The following METTL8 variants were observed in gnomAD, a reference collection of about 807,000 sequenced individuals.
METTL8 encodes the protein methyltransferase 8, tRNA N3-cytidine.
A neutral mutation model predicts 48.7 loss-of-function variants in METTL8; 32 were observed. The observed-to-expected ratio is 0.66, with a 90% confidence interval of 0.50 to 0.88. METTL8 has a LOEUF of 0.88. Ranked by LOEUF, METTL8 falls within the 40% of genes least tolerant of loss-of-function variation. The pLI is 0.00. For synonymous variants in METTL8, 136 were observed against 157.1 expected (o/e 0.87, Z 1.01); for missense variants, 464 against 474.4 (o/e 0.98, Z 0.20).
intron 1 of METTL8, among the ~76,000 whole-genome samples, chr2:171,393,108 C>CAAACA (rs962856627): frequency 1.3e-5 from 2 of 151,172 alleles, no homozygotes; most frequent in Non-Finnish European, 3.0e-5. Flanking sequence ...TGTCTCAAAA[C>CAAACA]AAACAAAACA....
At chr2:171,353,602 T>A (rs544525486) in intron 3 of METTL8, among the ~76,000 whole-genome samples, 3 of 152,240 alleles carry the variant, frequency 2.0e-5, no homozygotes, top group African/African-American at 7.2e-5. Context: ...TGTGGGAGTC[T>A]CTTTGTAGGT....
chr2:171,324,980 C>T (rs1264428372), intron 9 of METTL8, among the ~76,000 whole-genome samples: 1 of 150,398 alleles, frequency 6.6e-6, no homozygotes, highest in Non-Finnish European at 1.5e-5. Context: ...GGTAGGTAAT[C>T]TCAGCTACTT....
At chr2:171,420,380 G>C (rs996442954) in intron 1 of METTL8, among the ~76,000 whole-genome samples, 1 of 152,106 alleles carries the variant, frequency 6.6e-6, no homozygotes, top group African/African-American at 2.4e-5. Context: ...AGAAGAAAAA[G>C]AAGATGAGGC....
intron 9 of METTL8, 57 bp from the exon 10 acceptor site, chr2:171,324,419 CAGG>C: frequency 7.0e-7 from 1 of 1,435,566 alleles, no homozygotes. Context: ...TGGGGGAGGT[CAGG>C]AGTAGAACAC....
chr2:171,349,877 A>G (rs1396026124), intron 3 of METTL8, among the ~76,000 whole-genome samples: 1 of 152,196 alleles, frequency 6.6e-6, no homozygotes, highest in Non-Finnish European at 1.5e-5. Flanking sequence ...TATATAATAG[A>G]TATAAATATT....
At position 171,339,195 on chromosome 2, in the gene METTL8, T is replaced by C; in HGVS notation, c.595A>G (p.Arg199Gly). ...CTTGAGCACAATACCTCTAGTATCC[T>C]GAAAGTGGCATTGCTACCAGGAAAC... ...GLFPGSNATF[R>G]ILEVGCGAGN... The change falls in exon 4 of 10, where the codon AGG (arginine) becomes GGG (glycine). Residue 199 changes from arginine to glycine, a missense_variant. Coordinates refer to ENST00000375258, the MANE Select transcript of METTL8 (RefSeq NM_001321154.2). 1 of 1,531,808 alleles carries C rather than the reference T, an allele frequency of 6.5e-7. No homozygotes were observed. The highest frequency in any genetic ancestry group is 8.8e-7 in the Non-Finnish European group (1 of 1,138,118). 94.9% of individuals were successfully genotyped at this position (1,531,808 alleles called of 1,614,324 possible).
rs987392151 is a variant in METTL8 at position 171,320,064 on chromosome 2, A to G, written c.*4108T>C. The G allele has an allele frequency of 3.9e-5, 6 of 152,160 alleles. No individual in the cohort carries two copies. The allele number at this position is 152,160 out of a possible 1,614,324, so 9.4% of individuals were successfully genotyped here. The stretch of plus-strand genomic sequence containing the variant: ...ATCAAATATTTTAAACTAATACCCA[A>G]GCAGTTACATTTGCAACGCTTCATG... On this transcript the variant is annotated 3_prime_UTR_variant, in exon 10 of 10. Transcript: ENST00000375258.
At chr2:171,407,177 G>C (rs1373070247) in intron 1 of METTL8, among the ~76,000 whole-genome samples, 2 of 152,128 alleles carry the variant, frequency 1.3e-5, no homozygotes, top group African/African-American at 4.8e-5. Flanking sequence ...TGGAGGAGCT[G>C]ATGGACTTAA....
rs887234585 is a variant in METTL8 at position 171,322,411 on chromosome 2, T to G, written c.*1761A>C. On this transcript the variant is annotated 3_prime_UTR_variant, in exon 10 of 10. Coordinates refer to ENST00000375258, the MANE Select transcript of METTL8 (RefSeq NM_001321154.2). ...TTCTTGGATCTTGTGCAAGAAAGAATTGAGTCCATACAGCAAAGTGAAAAC... is the reference window on the plus strand; with the variant it reads ...TTCTTGGATCTTGTGCAAGAAAGAAGTGAGTCCATACAGCAAAGTGAAAAC... 6.6e-6 allele frequency: 1 copy of G among 151,912 alleles called. No individual in the cohort carries two copies. The highest frequency in any genetic ancestry group is 1.5e-5 in the Non-Finnish European group (1 of 67,992). 9.4% of individuals were successfully genotyped at this position (151,912 alleles called of 1,614,324 possible).
rs970874795 is a variant in METTL8, at chr2:171,320,602, T to C, written c.*3570A>G. ...GTTCCCATAGCAACATTAACTTATC[T>C]AAACTGCCCTTGCTGTATGTAATAC... On this transcript the variant is annotated 3_prime_UTR_variant, in exon 10 of 10. Coordinates refer to ENST00000375258, the MANE Select transcript of METTL8 (RefSeq NM_001321154.2). The C allele has an allele frequency of 2.6e-5, 4 of 152,250 alleles. No individual in the cohort carries two copies. Among genetic ancestry groups the C allele is most frequent in the Admixed American group, 2.6e-4 (4 of 15,294 alleles). The allele number at this position is 152,250 out of a possible 1,614,324, so 9.4% of individuals were successfully genotyped here. A position where few individuals can be genotyped will look rare whatever the true frequency, so the allele number is the denominator to read the frequency against.
chr2:171,412,820 A>T (rs1690889863), intron 1 of METTL8, among the ~76,000 whole-genome samples: 1 of 152,226 alleles, frequency 6.6e-6, no homozygotes, highest in African/African-American at 2.4e-5. Flanking sequence ...GTATTTTCTC[A>T]AAAATAAATG....
intron 2 of METTL8, among the ~76,000 whole-genome samples, chr2:171,371,357 A>G (rs1244166318): frequency 1.3e-5 from 2 of 151,718 alleles, no homozygotes; most frequent in African/African-American, 2.4e-5. Flanking sequence ...TTCATTTTTC[A>G]TTATTAATTT....
upstream of METTL8, chr2:171,434,472 G>C: frequency 1.3e-6 from 2 of 1,514,044 alleles, no homozygotes; most frequent in East Asian, 2.5e-5. Flanking sequence ...GCCCCGCCGG[G>C]AAAGTCTGGG....
chr2:171,373,732 A>T (rs566426923), intron 2 of METTL8, among the ~76,000 whole-genome samples: 2 of 152,348 alleles, frequency 1.3e-5, no homozygotes, highest in African/African-American at 4.8e-5. Flanking sequence ...TTTATTAAAT[A>T]GGGAATCCTT....
chr2:171,381,427 G>C (rs937984599), intron 2 of METTL8, among the ~76,000 whole-genome samples: 4 of 152,104 alleles, frequency 2.6e-5, no homozygotes. Flanking sequence ...AAACTAAAGG[G>C]CTTCTGCACA....
At chr2:171,391,588 A>G (rs1323470370) in intron 2 of METTL8, among the ~76,000 whole-genome samples, 1 of 152,188 alleles carries the variant, frequency 6.6e-6, no homozygotes, top group Non-Finnish European at 1.5e-5. Context: ...TATCTTTCCA[A>G]ATAGGGTGGA....
intron 2 of METTL8, among the ~76,000 whole-genome samples, chr2:171,366,336 T>C (rs562691186): frequency 2.0e-5 from 3 of 152,208 alleles, no homozygotes; most frequent in Non-Finnish European, 4.4e-5. Context: ...ATTATCAAAA[T>C]AGTCCCACCC....
At chr2:171,374,969 C>A in intron 2 of METTL8, 1 of 1,214,174 alleles carries the variant, frequency 8.2e-7, no homozygotes, top group Non-Finnish European at 1.2e-6. Context: ...GCAGCACCCA[C>A]AGGTCTAAAT....
chr2:171,363,507 A>G (rs146232721), intron 2 of METTL8, among the ~76,000 whole-genome samples: 1 of 152,188 alleles, frequency 6.6e-6, no homozygotes, highest in East Asian at 1.9e-4. Flanking sequence ...AGTGGTTTAT[A>G]GAGTTTGGCC....
Sources: gnomAD v4.1 joint callset for allele counts (sites outside exome capture counted in the v4.1 genomes callset) on GRCh38, gnomAD v4.1.1 for gene constraint, MANE v1.5 for transcripts, NCBI Gene and HGNC (gene_info 2026-07-23, HGNC 2026-07-21) for gene names.